ATP10A: variants seen among roughly 807,000 people sequenced by gnomAD.
ATP10A encodes ATPase phospholipid transporting 10A (putative).
Under a neutral mutation model 147.8 loss-of-function variants are expected in ATP10A, and 111 were observed. The ratio of observed to expected loss-of-function variants is 0.75; its 90% CI spans 0.64 to 0.88. The LOEUF is 0.88. ATP10A is among the 40% of genes least tolerant of loss of function. The pLI, the probability that ATP10A is intolerant of heterozygous loss-of-function variation, is 0.00. For missense variants in ATP10A, 1,927 were observed against 1,959.0 expected, an observed-to-expected ratio of 0.98 and a Z score of 0.31; for synonymous variants, 875 against 841.6, an observed-to-expected ratio of 1.04 and a Z score of -0.69.
chr15:25,756,737 T>C (rs2140607414), intron 2 of ATP10A, among the ~76,000 whole-genome samples: 1 of 152,346 alleles, frequency 6.6e-6, no homozygotes, highest in Middle Eastern at 3.4e-3. Flanking sequence ...TGACTTTTGA[T>C]CCACATTACC....
intron 19 of ATP10A, among the ~76,000 whole-genome samples, 191 bp from the exon 20 acceptor site, chr15:25,680,499 T>C (rs1899344462): frequency 6.6e-6 from 1 of 151,850 alleles, no homozygotes; most frequent in Non-Finnish European, 1.5e-5. Flanking sequence ...CCCTGGGAGA[T>C]GCACATGAGG....
intron 1 of ATP10A, among the ~76,000 whole-genome samples, chr15:25,819,622 C>T (rs766764988): frequency 2.8e-4 from 43 of 152,080 alleles, no homozygotes; most frequent in Admixed American, 4.6e-4. Context: ...GACACACCTG[C>T]ACCTGTATTG....
intron 1 of ATP10A, among the ~76,000 whole-genome samples, chr15:25,861,154 G>A (rs1287152729): frequency 1.2e-5 from 1 of 83,796 alleles, no homozygotes; most frequent in East Asian, 4.2e-4. Flanking sequence ...CAGGCAGAGT[G>A]GTGTTTCTGA....
At chr15:25,809,056 G>A (rs1226377365) in intron 1 of ATP10A, among the ~76,000 whole-genome samples, 1 of 152,170 alleles carries the variant, frequency 6.6e-6, no homozygotes, top group Non-Finnish European at 1.5e-5. Context: ...CCACAGGGTT[G>A]GGAGAGGGGA....
At chr15:25,840,264 G>T (rs1892758240) in intron 1 of ATP10A, among the ~76,000 whole-genome samples, 1 of 151,988 alleles carries the variant, frequency 6.6e-6, no homozygotes, top group Non-Finnish European at 1.5e-5. Flanking sequence ...CACGTTATAG[G>T]GGTTTGTGTA....
At chr15:25,788,381 G>C (rs562991439) in intron 1 of ATP10A, among the ~76,000 whole-genome samples, 2 of 152,182 alleles carry the variant, frequency 1.3e-5, no homozygotes. Context: ...TCTGCAGAAC[G>C]GGGGTCTGTA....
intron 12 of ATP10A, among the ~76,000 whole-genome samples, chr15:25,705,590 C>T (rs773814936): frequency 3.3e-5 from 5 of 152,068 alleles, no homozygotes; most frequent in African/African-American, 4.8e-5. Context: ...GCCATGTGAA[C>T]GCTAAGGTGG....
At position 25,701,893 on chromosome 15, in the gene ATP10A, G is replaced by T. The variant is rs200977775; in HGVS notation, c.2760+23C>A. ...ATGGACCACCCCAGGGGAAGGAAGCGGAGCCACTTGAAACCCACCTACCTG... is the reference window on the plus strand; with the variant it reads ...ATGGACCACCCCAGGGGAAGGAAGCTGAGCCACTTGAAACCCACCTACCTG... On this transcript the variant is annotated intron_variant, in intron 13 of 20. Transcript: ENST00000555815. 1.9e-6 allele frequency: 3 copies of T among 1,568,250 alleles called. No individual in the cohort carries two copies. In the South Asian group the frequency reaches 3.6e-5, roughly 19 times the overall value.
chr15:25,818,687 T>C (rs1252933360), intron 1 of ATP10A, among the ~76,000 whole-genome samples: 2 of 152,158 alleles, frequency 1.3e-5, no homozygotes, highest in African/African-American at 4.8e-5. Context: ...GGGCATCACA[T>C]TATCTGACTT....
chr15:25,818,473 C>G (rs1235431096), intron 1 of ATP10A, among the ~76,000 whole-genome samples: 1 of 151,994 alleles, frequency 6.6e-6, no homozygotes, highest in Non-Finnish European at 1.5e-5. Context: ...GGAAAACATT[C>G]CATGTTCCAT....
chr15:25,824,519 C>A (rs1231896220), intron 1 of ATP10A, among the ~76,000 whole-genome samples: 1 of 148,380 alleles, frequency 6.7e-6, no homozygotes, highest in African/African-American at 2.5e-5. Flanking sequence ...TCAACTCATT[C>A]CTCTTCCTTA....
chr15:25,862,689 G>T lies in ATP10A; in HGVS notation c.408C>A (p.Ser136=). Residue 136 remains serine, a synonymous_variant, in exon 1 of 21, where the codon TCC becomes TCA. Transcript: ENST00000555815. ...DLWEDYSRHR[S]DHKINHLGCL... Reference sequence around the variant, plus strand: ...AGCCCAGGTGGTTGATCTTGTGGTCGGAGCGGTGGCGGCTGTAGTCCTCCC... The same window carrying T: ...AGCCCAGGTGGTTGATCTTGTGGTCTGAGCGGTGGCGGCTGTAGTCCTCCC... 6.2e-7 allele frequency: 1 copy of T among 1,604,246 alleles called. No individual in the cohort carries two copies.
At chr15:25,692,269 G>A (rs577091356) in intron 14 of ATP10A, among the ~76,000 whole-genome samples, 18 of 152,156 alleles carry the variant, frequency 1.2e-4, no homozygotes, top group Non-Finnish European at 1.8e-4. Flanking sequence ...CACAGTATTA[G>A]CCATTGTGCT....
chr15:25,727,498 C>T (rs938900231), intron 3 of ATP10A, among the ~76,000 whole-genome samples: 2 of 152,028 alleles, frequency 1.3e-5, no homozygotes, highest in Non-Finnish European at 2.9e-5. Context: ...AGAAGCAGCT[C>T]TAGAGCCTGG....
At chr15:25,812,641 C>T (rs1292297035) in intron 1 of ATP10A, among the ~76,000 whole-genome samples, 1 of 152,088 alleles carries the variant, frequency 6.6e-6, no homozygotes, top group African/African-American at 2.4e-5. Flanking sequence ...TTAAAACAAG[C>T]TATTTTTGTT....
chr15:25,741,982 C>A (rs1018929526), intron 2 of ATP10A, among the ~76,000 whole-genome samples: 2 of 152,226 alleles, frequency 1.3e-5, no homozygotes, highest in Non-Finnish European at 2.9e-5. Flanking sequence ...GGGGTTAATG[C>A]CCCGTGACAA....
In ATP10A at chr15:25,726,028, T is replaced by G; in HGVS notation, c.902A>C (p.Lys301Thr). Residue 301 changes from lysine to threonine, a missense_variant, in exon 5 of 21, where the codon AAG becomes ACG. Lys to Thr is a moderately conservative substitution (Grantham distance 78). Coordinates refer to ENST00000555815, the MANE Select transcript of ATP10A (RefSeq NM_024490.4). ...GTCGCAGTTCATCTGCCTCTCCAGCTTGCTGCGCTTGTAGCGGGGCCCACT... is the reference window on the plus strand; with the variant it reads ...GTCGCAGTTCATCTGCCTCTCCAGCGTGCTGCGCTTGTAGCGGGGCCCACT... ...NNSGPRYKRS[K>T]LERQMNCDVL... 6.2e-7 allele frequency: 1 copy of G among 1,614,172 alleles called. No individual in the cohort carries two copies. Among genetic ancestry groups the G allele is most frequent in the South Asian group, 1.1e-5 (1 of 91,086 alleles).
rs1335330296 is a variant in ATP10A, at chr15:25,679,763, G to A, written c.4078C>T (p.Pro1360Ser). Reference sequence around the variant, plus strand: ...CCGCTGGCCTCCAGGGAGCAGACCGGCTGCTGTGTGTGCCAAGAAGGCTGG... The same window carrying A: ...CCGCTGGCCTCCAGGGAGCAGACCGACTGCTGTGTGTGCCAAGAAGGCTGG... ...LSQPSWHTQQ[P>S]VCSLEASGEP... Residue 1360 changes from proline to serine, a missense_variant, in exon 21 of 21, where the codon CCG becomes TCG. Transcript: ENST00000555815. 6.2e-7 allele frequency: 1 copy of A among 1,613,042 alleles called. No individual in the cohort carries two copies. Among genetic ancestry groups the A allele is most frequent in the Non-Finnish European group, 8.5e-7 (1 of 1,179,966 alleles).
At chr15:25,728,922 C>T (rs553010735) in intron 3 of ATP10A, among the ~76,000 whole-genome samples, 25 of 152,278 alleles carry the variant, frequency 1.6e-4, no homozygotes, top group Admixed American at 1.4e-3. Context: ...GGCTGGAGAA[C>T]GACATCACCA....
Sources: allele counts gnomAD v4.1 joint callset (sites outside exome capture counted in the v4.1 genomes callset), GRCh38; gene constraint gnomAD v4.1.1; transcripts MANE v1.5; gene names NCBI Gene and HGNC (gene_info 2026-07-23, HGNC 2026-07-21).